The following UBXN11 variants were observed in gnomAD, a reference collection of about 807,000 sequenced individuals.
The protein encoded by UBXN11 is UBX domain protein 11.
In UBXN11, 47 loss-of-function variants were observed where a neutral mutation model predicts 62.8. That is an observed-to-expected ratio of 0.75 (90% CI 0.59 to 0.95). The LOEUF (loss-of-function observed/expected upper bound fraction) is 0.95, where lower values mean the gene tolerates loss of function less well. UBXN11 is among the 40% of genes least tolerant of loss of function. The probability of loss-of-function intolerance (pLI) is 0.00; values close to 1 mark genes in which losing one functional copy is unlikely to be tolerated. For synonymous variants in UBXN11, 294 were observed against 267.0 expected, an observed-to-expected ratio of 1.10 and a Z score of -0.99; for missense variants, 638 against 661.7, an observed-to-expected ratio of 0.96 and a Z score of 0.39.
At chr1:26,288,367 G>A (rs1265679574) in intron 8 of UBXN11, among the ~76,000 whole-genome samples, 1 of 152,176 alleles carries the variant, frequency 6.6e-6, no homozygotes, top group Non-Finnish European at 1.5e-5. Context: ...AAATGGCCCT[G>A]GCTTAAAGAA....
chr1:26,302,947 G>C (rs1260528804), intron 1 of UBXN11, 29 bp from the exon 2 acceptor site: 29 of 1,539,468 alleles, frequency 1.9e-5, no homozygotes, highest in Non-Finnish European at 2.6e-5. Flanking sequence ...TCAGCCCCTG[G>C]GGACAGACTC....
At chr1:26,309,844 C>T (rs757559448), upstream of UBXN11, among the ~76,000 whole-genome samples, 6 of 152,210 alleles carry the variant, frequency 3.9e-5, no homozygotes, top group East Asian at 1.9e-4. Context: ...AATGAGGCAC[C>T]GGCCCCAGCA....
rs578038882 is a variant in UBXN11, at chr1:26,284,640, G to A, written c.853-158C>T. The A allele has an allele frequency of 1.1e-4, 147 of 1,389,148 alleles. 1 individual carries two copies. The highest frequency in any genetic ancestry group is 2.7e-4 in the Middle Eastern group (1 of 3,720). 86.1% of individuals were successfully genotyped at this position (1,389,148 alleles called of 1,614,324 possible). On this transcript the variant is annotated intron_variant, in intron 10 of 14. Coordinates refer to ENST00000374222, the MANE Select transcript of UBXN11 (RefSeq NM_001389556.1). ...CCAGGCCTCAGGAGAGCCACGGTTC[G>A]TACTGCTGTCATCTCCCTCAGCCCT...
chr1:26,301,366 G>C (rs778757090), intron 3 of UBXN11, among the ~76,000 whole-genome samples: 21 of 152,128 alleles, frequency 1.4e-4, no homozygotes, highest in Non-Finnish European at 2.5e-4. Flanking sequence ...GAGGGGGAAG[G>C]GGGGCTGGGA....
rs2073445680 is a variant in UBXN11, at chr1:26,298,341, C to T, written c.200-279G>A. 2.6e-5 allele frequency among the ~76,000 whole-genome samples: 4 copies of T among 152,210 alleles called. No homozygotes were observed. The South Asian group carries it at 8.3e-4, about 32-fold the overall frequency. On this transcript the variant is annotated intron_variant, in intron 4 of 14. Transcript: ENST00000374222. ...AGGAAGTGGTGTAACATATGGGTGA[C>T]ATCACCCTGAAGCATTGCCAAGAAT...
At chr1:26,301,594 T>C in intron 3 of UBXN11, 100 bp downstream of exon 3, 2 of 1,525,140 alleles carry the variant, frequency 1.3e-6, no homozygotes, top group Non-Finnish European at 1.8e-6. Flanking sequence ...CTGCTCCAGC[T>C]GACAAGGGCC....
chr1:26,284,794 G>C lies in UBXN11; in HGVS notation c.853-312C>G, dbSNP rs559735208. The C allele has an allele frequency of 3.6e-5, 41 of 1,127,804 alleles. 1 individual carries two copies. The South Asian group carries it at 1.4e-3, about 37-fold the overall frequency. 69.9% of individuals were successfully genotyped at this position (1,127,804 alleles called of 1,614,324 possible). ...GGGGTCAGGAGAGGACAAAGCCCCTGCTTTTTTCCAGTCTGCAGCACAAAC... is the reference window on the plus strand; with the variant it reads ...GGGGTCAGGAGAGGACAAAGCCCCTCCTTTTTTCCAGTCTGCAGCACAAAC... On this transcript the variant is annotated intron_variant, in intron 10 of 14. Transcript: ENST00000374222.
intron 10 of UBXN11, chr1:26,284,932 G>T: frequency 1.0e-6 from 1 of 1,001,848 alleles, no homozygotes; most frequent in Non-Finnish European, 1.2e-6. Flanking sequence ...TGTTTCCTGA[G>T]CCCTGGTGAC....
intron 12 of UBXN11, 114 bp from the exon 13 acceptor site, chr1:26,283,051 G>T: frequency 1.5e-6 from 2 of 1,352,800 alleles, no homozygotes; most frequent in South Asian, 1.2e-5. Flanking sequence ...TGAGCAAAGC[G>T]GGAGGGGGTG....
intron 8 of UBXN11, among the ~76,000 whole-genome samples, chr1:26,291,005 G>C (rs1270227093): frequency 6.6e-6 from 1 of 152,162 alleles, no homozygotes; most frequent in Non-Finnish European, 1.5e-5. Flanking sequence ...GGCAGAGAGA[G>C]GGGGAGAGTG....
chr1:26,317,063 C>A (rs1191009813), intron 1 of UBXN11, among the ~76,000 whole-genome samples: 2 of 54,768 alleles, frequency 3.7e-5, no homozygotes, highest in African/African-American at 1.4e-4. Flanking sequence ...ACCCAGTCTC[C>A]GCTAAAAAAA....
chr1:26,291,830 C>T (rs1416603111), intron 8 of UBXN11, among the ~76,000 whole-genome samples: 1 of 152,196 alleles, frequency 6.6e-6, no homozygotes, highest in African/African-American at 2.4e-5. Flanking sequence ...AGTTGGCATG[C>T]CTGGGCCTAC....
intron 1 of UBXN11, among the ~76,000 whole-genome samples, chr1:26,316,200 C>T (rs546185412): frequency 7.2e-6 from 1 of 138,392 alleles, no homozygotes; most frequent in South Asian, 2.3e-4. Flanking sequence ...AACTCCTGTG[C>T]TCAAGTTATC....
exon 1 of UBXN11, chr1:26,318,153 C>CAG: frequency 8.5e-7 from 1 of 1,172,334 alleles, no homozygotes; most frequent in Non-Finnish European, 1.3e-6. Flanking sequence ...TGTGAGCTCC[C>CAG]AGAGACCCAG....
intron 1 of UBXN11, among the ~76,000 whole-genome samples, chr1:26,304,775 G>C (rs1222476751): frequency 6.6e-6 from 1 of 151,928 alleles, no homozygotes; most frequent in Non-Finnish European, 1.5e-5. Flanking sequence ...ATAATTCCTT[G>C]ATATAGGTGA....
chr1:26,282,377 G>GGGACTGGGGCCGGGACCGGGACCA lies in UBXN11; in HGVS notation c.1484_1485insTGGTCCCGGTCCCGGCCCCAGTCC (p.Gly504_Pro511dup). On this transcript the variant is annotated inframe_insertion, in exon 15 of 15. Coordinates refer to ENST00000374222, the MANE Select transcript of UBXN11 (RefSeq NM_001389556.1). The stretch of plus-strand genomic sequence containing the variant: ...CGGGACTGGGGCCGGGACCGGGACC[G>GGGACTGGGGCCGGGACCGGGACCA]GGACTGGGGCCGGGACCGGGACCGG... The GGGACTGGGGCCGGGACCGGGACCA allele has an allele frequency of 2.3e-6, 2 of 882,324 alleles. No homozygotes were observed. Among genetic ancestry groups the GGGACTGGGGCCGGGACCGGGACCA allele is most frequent in the South Asian group, 1.8e-5 (1 of 55,482 alleles). The allele number at this position is 882,324 out of a possible 1,614,324, so 54.7% of individuals were successfully genotyped here.
At chr1:26,315,546 G>A (rs2073783148) in intron 1 of UBXN11, among the ~76,000 whole-genome samples, 1 of 152,216 alleles carries the variant, frequency 6.6e-6, no homozygotes. Flanking sequence ...GGGCAGGGAT[G>A]GGGAAAGAGG....
intron 1 of UBXN11, among the ~76,000 whole-genome samples, chr1:26,315,020 A>G (rs1362255532): frequency 6.6e-6 from 1 of 152,110 alleles, no homozygotes; most frequent in Non-Finnish European, 1.5e-5. Context: ...GTTCGAGGTT[A>G]CAGTGAGCTA....
Position 26,282,299 on chromosome 1 carries a change from T to A in UBXN11, c.1563A>T (p.Ter521TyrextTer?). The A allele has an allele frequency of 6.9e-7, 1 of 1,440,974 alleles. No homozygotes were observed. The highest frequency in any genetic ancestry group is 1.5e-5 in the South Asian group (1 of 66,488). 89.3% of individuals were successfully genotyped at this position (1,440,974 alleles called of 1,614,324 possible). ...GCAGCGGGTTGAGGGGGCGGGTGCT[T>A]TATTGGGGGCTGGGACTGGGTCCAG... The part of the protein sequence containing the change: ...PCPGPSPSPQ[*>Y] Residue 521 changes from the stop codon to tyrosine, a stop_lost, in exon 15 of 15, where the codon TAA becomes TAT. Transcript: ENST00000374222.
Sources: gnomAD v4.1 joint callset for allele counts (sites outside exome capture counted in the v4.1 genomes callset) on GRCh38, gnomAD v4.1.1 for gene constraint, MANE v1.5 for transcripts, NCBI Gene and HGNC (gene_info 2026-07-23, HGNC 2026-07-21) for gene names.